RBFOX1: variants seen among roughly 807,000 people sequenced by gnomAD.
RBFOX1 encodes RNA binding protein fox-1 homolog 1.
Under a neutral mutation model 57.7 loss-of-function variants are expected in RBFOX1, and 8 were observed. The ratio of observed to expected loss-of-function variants is 0.14; its 90% CI spans 0.08 to 0.25. The LOEUF (loss-of-function observed/expected upper bound fraction) is 0.25. Among genes scored for constraint, RBFOX1 ranks in the 10% least tolerant of loss-of-function variants. RBFOX1 has a pLI of 1.00. For synonymous variants in RBFOX1, 326 were observed against 222.4 expected (o/e 1.47, Z -4.15); for missense variants, 611 against 548.5 (o/e 1.11, Z -1.14).
intron 3 of RBFOX1, among the ~76,000 whole-genome samples, chr16:6,830,908 C>T (rs35440531): frequency 2.0e-5 from 3 of 152,032 alleles, no homozygotes; most frequent in African/African-American, 7.2e-5. Context: ...TTTCAGCAAC[C>T]AGGTAGAATT....
intron 2 of RBFOX1, among the ~76,000 whole-genome samples, chr16:6,639,131 G>A (rs376512700): frequency 8.5e-4 from 129 of 152,300 alleles, no homozygotes; most frequent in African/African-American, 2.7e-3. Flanking sequence ...ATACTCAATA[G>A]GATGCATAAG....
At chr16:7,703,940 GGA>G (rs769739771) in intron 14 of RBFOX1, among the ~76,000 whole-genome samples, 1 of 152,170 alleles carries the variant, frequency 6.6e-6, no homozygotes, top group Non-Finnish European at 1.5e-5. Flanking sequence ...GGGCAAGGAG[GGA>G]GAGATTGGTT....
chr16:5,767,857 G>C (rs1597168450), intron 3 of RBFOX1, among the ~76,000 whole-genome samples: 1 of 152,102 alleles, frequency 6.6e-6, no homozygotes, highest in East Asian at 1.9e-4. Flanking sequence ...ATAATTCTTT[G>C]AGGATTCCTA....
intron 3 of RBFOX1, among the ~76,000 whole-genome samples, chr16:5,721,559 G>A (rs1268749825): frequency 6.6e-6 from 1 of 152,276 alleles, no homozygotes; most frequent in Admixed American, 6.5e-5. Flanking sequence ...TTAGGGGAAG[G>A]CATTCAGTCT....
rs541624950 is a variant in RBFOX1 at position 5,936,775 on chromosome 16, G to C, written c.351+69440G>C. Among the ~76,000 whole-genome samples, 9 of 152,274 alleles carry C rather than the reference G, an allele frequency of 5.9e-5. No individual in the cohort carries two copies. The East Asian group carries it at 1.7e-3, about 29-fold the overall frequency. On this transcript the variant is annotated intron_variant, in intron 4 of 19. Coordinates refer to the RBFOX1 transcript ENST00000641259. ...GAAAAGAGCTGAGTTTCATACAAGG[G>C]TCAATTGTTTCTGCAGCAGAGACAG...
chr16:6,488,830 C>T (rs1242737816), intron 2 of RBFOX1, among the ~76,000 whole-genome samples: 1 of 152,068 alleles, frequency 6.6e-6, no homozygotes, highest in Non-Finnish European at 1.5e-5. Flanking sequence ...ATTACCTGGC[C>T]CCAAACCAAC....
chr16:6,787,694 A>G (rs1168650998), intron 3 of RBFOX1, among the ~76,000 whole-genome samples: 2 of 152,198 alleles, frequency 1.3e-5, no homozygotes, highest in African/African-American at 2.4e-5. Flanking sequence ...TCATGATCGT[A>G]GCATTCCATT....
chr16:6,020,139 G>A, intron 1 of RBFOX1, 147 bp downstream of exon 1: 2 of 997,878 alleles, frequency 2.0e-6, no homozygotes, highest in Non-Finnish European at 2.7e-6. Context: ...ACTTTTTCAG[G>A]GTGTGTGGAA....
At chr16:5,908,332 A>ATATGTG (rs1555443993) in intron 4 of RBFOX1, among the ~76,000 whole-genome samples, 2 of 137,464 alleles carry the variant, frequency 1.5e-5, no homozygotes, top group African/African-American at 5.3e-5. Context: ...ACATATATAT[A>ATATGTG]TGTGTGTGTG....
intron 4 of RBFOX1, among the ~76,000 whole-genome samples, chr16:7,106,359 A>C (rs891539813): frequency 1.3e-5 from 2 of 152,162 alleles, no homozygotes; most frequent in Non-Finnish European, 2.9e-5. Context: ...CTAGTTGAGA[A>C]TTGGCAAATG....
intron 4 of RBFOX1, among the ~76,000 whole-genome samples, chr16:5,890,953 G>C (rs952490650): frequency 1.3e-5 from 2 of 152,112 alleles, no homozygotes; most frequent in African/African-American, 4.8e-5. Context: ...CATCCGCCTG[G>C]ATCTGAATTT....
At chr16:6,592,657 T>C (rs2097727824) in intron 2 of RBFOX1, among the ~76,000 whole-genome samples, 1 of 152,190 alleles carries the variant, frequency 6.6e-6, no homozygotes, top group Non-Finnish European at 1.5e-5. Flanking sequence ...TAATGGAATT[T>C]GCTATCTGTT....
rs71142678 is a variant in RBFOX1 at position 6,085,650 on chromosome 16, TTGTGTGTGTG to T, written c.-127+65668_-127+65677del. Among the ~76,000 whole-genome samples the T allele has an allele frequency of 2.0e-5, 3 of 150,488 alleles. No homozygotes were observed. The South Asian group carries it at 6.3e-4, about 32-fold the overall frequency. ...AGGCAGGAGAAGTAGCAGTGTGTGT[TTGTGTGTGTG>T]TGTGTGTGTCTGTGTGTGTGCATGC... On this transcript the variant is annotated intron_variant, in intron 1 of 15. Coordinates refer to ENST00000550418, the MANE Select transcript of RBFOX1 (RefSeq NM_018723.4).
At chr16:7,155,311 G>A (rs1189388305) in intron 4 of RBFOX1, among the ~76,000 whole-genome samples, 1 of 152,038 alleles carries the variant, frequency 6.6e-6, no homozygotes. Context: ...TTGGAGGATT[G>A]GCCAGGTACA....
intron 4 of RBFOX1, among the ~76,000 whole-genome samples, chr16:5,895,301 A>T (rs7197667): frequency 0.57 from 86,346 of 151,986 alleles, 24,650 homozygotes; most frequent in East Asian, 0.61. Flanking sequence ...CAAGCTTAGA[A>T]CTTGTAGAAA....
intron 4 of RBFOX1, among the ~76,000 whole-genome samples, chr16:7,225,920 A>ATATATATATATAT (rs71147674): frequency 2.8e-5 from 4 of 140,942 alleles, no homozygotes; most frequent in Non-Finnish European, 4.6e-5. Flanking sequence ...ATATATATAT[A>ATATATATATATAT]AATGTGAATG....
At chr16:7,161,143 T>A (rs1339804443) in intron 4 of RBFOX1, among the ~76,000 whole-genome samples, 1 of 152,136 alleles carries the variant, frequency 6.6e-6, no homozygotes. Flanking sequence ...CAAAATAATT[T>A]TATACCACTT....
chr16:7,592,845 G>T (rs1309259228), intron 7 of RBFOX1, among the ~76,000 whole-genome samples: 1 of 151,948 alleles, frequency 6.6e-6, no homozygotes, highest in Non-Finnish European at 1.5e-5. Context: ...TTTCAGATAG[G>T]GTGTCACCCA....
chr16:5,620,786 C>T (rs1047123534), intron 3 of RBFOX1, among the ~76,000 whole-genome samples: 39 of 152,166 alleles, frequency 2.6e-4, no homozygotes, highest in African/African-American at 9.4e-4. Context: ...TCAAGTGATC[C>T]TCCCACCTCA....
Sources: allele counts gnomAD v4.1 joint callset (sites outside exome capture counted in the v4.1 genomes callset), GRCh38; gene constraint gnomAD v4.1.1; transcripts MANE v1.5; gene names NCBI Gene and HGNC (gene_info 2026-07-23, HGNC 2026-07-21).